MUC5B: variants seen among roughly 807,000 people sequenced by gnomAD.
MUC5B encodes the protein mucin-5B.
In MUC5B, 116 loss-of-function variants were observed where a neutral mutation model predicts 376.9. That is an observed-to-expected ratio of 0.31 (90% CI 0.26 to 0.36). The LOEUF (loss-of-function observed/expected upper bound fraction) is 0.36, where lower values mean the gene tolerates loss of function less well. Ranked by LOEUF, MUC5B falls within the 10% of genes least tolerant of loss-of-function variation. The pLI, the probability that MUC5B is intolerant of heterozygous loss-of-function variation, is 1.00. For missense variants in MUC5B, 7,165 were observed against 7,769.9 expected (o/e 0.92, Z 2.93); for synonymous variants, 3,517 against 3,390.9 (o/e 1.04, Z -1.29).
chr11:1,233,153 G>A lies in MUC5B; in HGVS notation c.2206G>A (p.Ala736Thr), dbSNP rs779976482. The change falls in exon 18 of 49, where the codon GCG becomes ACG. Residue 736 changes from alanine to threonine, a missense_variant. Around this residue, in one of 31 missense-constraint regions of MUC5B, gnomAD observed 530 missense variants for 604.0 expected, o/e 0.88. Transcript: ENST00000529681. ...GCCTGTGGACGGCTGCACCTGCCCC[G>A]CGGGCACCTTCCTCAATGACGCGGG... ...FVPVDGCTCP[A>T]GTFLNDAGAC... 18 of 1,606,410 alleles carry A rather than the reference G, an allele frequency of 1.1e-5. No individual in the cohort carries two copies. Among genetic ancestry groups the A allele is most frequent in the South Asian group, 3.3e-5 (3 of 90,954 alleles).
chr11:1,255,062 G>A lies in MUC5B; in HGVS notation c.15686G>A (p.Arg5229Lys). The A allele has an allele frequency of 6.3e-7, 1 of 1,593,994 alleles. No homozygotes were observed. The highest frequency in any genetic ancestry group is 8.5e-7 in the Non-Finnish European group (1 of 1,171,274). Residue 5229 changes from arginine (R) to lysine (K), a missense_variant, in exon 36 of 49, where the codon AGG (arginine) becomes AAG (lysine). Coordinates refer to ENST00000529681, the MANE Select transcript of MUC5B (RefSeq NM_002458.3). ...GQCGTCTNNQRDDCLQRDGTT... is the reference protein window; with the variant it reads ...GQCGTCTNNQKDDCLQRDGTT... Reference sequence around the variant, plus strand: ...CCAGGCACCTGCACCAACAACCAGAGGGACGACTGTCTCCAGCGGGACGGA... The same window carrying A: ...CCAGGCACCTGCACCAACAACCAGAAGGACGACTGTCTCCAGCGGGACGGA...
intron 27 of MUC5B, 59 bp downstream of exon 27, chr11:1,239,625 G>A: frequency 3.3e-6 from 5 of 1,524,530 alleles, no homozygotes; most frequent in Non-Finnish European, 4.4e-6. Context: ...AGTGTACGTG[G>A]GGGGGCGGGG....
intron 35 of MUC5B, 59 bp from the exon 36 acceptor site, chr11:1,254,982 G>C: frequency 2.9e-6 from 2 of 693,730 alleles, no homozygotes; most frequent in Non-Finnish European, 4.9e-6. Flanking sequence ...GGGGGAGGGG[G>C]GTGGGGGCTG....
At position 1,248,335 on chromosome 11, in the gene MUC5B, A is replaced by T; in HGVS notation, c.11455A>T (p.Met3819Leu). 1.2e-6 allele frequency: 2 copies of T among 1,611,298 alleles called. 1 individual carries two copies. The highest frequency in any genetic ancestry group is 1.7e-6 in the Non-Finnish European group (2 of 1,179,010). ...ACAGACCACCACACCCACGGCCACC[A>T]TGTCCACAGCCACACCCTCCTCCAC... Reference protein sequence around the residue: ...LSQTTTPTATMSTATPSSTPE... With the variant: ...LSQTTTPTATLSTATPSSTPE... The change falls in exon 31 of 49, where the codon ATG (methionine) becomes TTG (leucine). Residue 3819 changes from methionine (M) to leucine (L), a missense_variant. Coordinates refer to ENST00000529681, the MANE Select transcript of MUC5B (RefSeq NM_002458.3).
Position 1,230,648 on chromosome 11 carries a change from A to G in MUC5B, c.1470+48A>G, listed in dbSNP as rs916938252. 2.6e-6 allele frequency: 4 copies of G among 1,523,662 alleles called. No homozygotes were observed. In the African/African-American group the frequency reaches 4.1e-5, roughly 16 times the overall value. 94.4% of individuals were successfully genotyped at this position (1,523,662 alleles called of 1,614,324 possible). On this transcript the variant is annotated intron_variant, in intron 12 of 48. Coordinates refer to ENST00000529681, the MANE Select transcript of MUC5B (RefSeq NM_002458.3). Reference sequence around the variant, plus strand: ...GGGCTGGGACAGGAAGAGGCATGCGAAGGTGTGTGGGGAGCAAGCACGGTC... The same window carrying G: ...GGGCTGGGACAGGAAGAGGCATGCGGAGGTGTGTGGGGAGCAAGCACGGTC...
Position 1,232,476 on chromosome 11 carries a change from C to T in MUC5B, c.1870C>T (p.Arg624Cys), listed in dbSNP as rs374658436. ...NENYARHWCSRLTDPNSAFSR... is the reference protein window; with the variant it reads ...NENYARHWCSCLTDPNSAFSR... ...GAACTACGCCCGGCACTGGTGCTCG[C>T]GCCTGACCGATCCCAACAGTGCCTT... The change falls in exon 16 of 49, where the codon CGC becomes TGC. Residue 624 changes from arginine (R) to cysteine (C), a missense_variant. This residue lies in a region of MUC5B where 530 missense variants were observed against 604.0 expected (regional missense o/e 0.88). Transcript: ENST00000529681. The T allele has an allele frequency of 6.6e-5, 106 of 1,609,702 alleles. No homozygotes were observed. Among genetic ancestry groups the T allele is most frequent in the Non-Finnish European group, 7.2e-5 (85 of 1,178,744 alleles).
Position 1,252,420 on chromosome 11 carries a change from C to G in MUC5B, c.14941C>G (p.Arg4981Gly), listed in dbSNP as rs747356736. 3.1e-6 allele frequency: 5 copies of G among 1,611,222 alleles called. No individual in the cohort carries two copies. Among genetic ancestry groups the G allele is most frequent in the Non-Finnish European group, 4.2e-6 (5 of 1,179,044 alleles). ...AVCNQHCDID[R>G]FQGACPTSPP... ...GTGCAATCAGCACTGTGACATTGAC[C>G]GCTTCCAGGGCGCCTGTCCCACCTC... Residue 4981 changes from arginine to glycine, a missense_variant, in exon 32 of 49, where the codon CGC becomes GGC. Transcript: ENST00000529681.
chr11:1,228,862 A>AGGGG, intron 8 of MUC5B, 97 bp downstream of exon 8: 1 of 357,730 alleles, frequency 2.8e-6, no homozygotes, highest in Non-Finnish European at 4.3e-6. Context: ...CCTGGGGGAC[A>AGGGG]GGGGTGGAGG....
intron 1 of MUC5B, 175 bp downstream of exon 1, chr11:1,223,368 G>A: frequency 1.5e-6 from 1 of 687,878 alleles, no homozygotes; most frequent in Non-Finnish European, 2.7e-6. Context: ...GGCCCCACGG[G>A]CTCACAGTGT....
Position 1,254,861 on chromosome 11 carries a change from C to T in MUC5B, c.15645C>T (p.Asn5215=), listed in dbSNP as rs764936627. 6.2e-7 allele frequency: 1 copy of T among 1,611,796 alleles called. No homozygotes were observed. Among genetic ancestry groups the T allele is most frequent in the Non-Finnish European group, 8.5e-7 (1 of 1,179,684 alleles). ...QARLPYSLFH[N]NTEGQCGTCT... ...GGCTGCCCTACAGCCTCTTCCACAA[C>T]AACACCGAGGGCCAGTGCGGTGAGT... Residue 5215 remains asparagine, a synonymous_variant, in exon 35 of 49, where the codon AAC becomes AAT. Transcript: ENST00000529681.
intron 9 of MUC5B, 113 bp from the exon 10 acceptor site, chr11:1,229,577 T>C: frequency 1.0e-6 from 1 of 988,828 alleles, no homozygotes; most frequent in Non-Finnish European, 1.5e-6. Flanking sequence ...GGGGGCGGTG[T>C]CCTGGAGCAG....
chr11:1,251,009 C>G lies in MUC5B; in HGVS notation c.14129C>G (p.Thr4710Ser), dbSNP rs1451197399. ...PGTTPITPVL[T>S]STATTPAATS... is the part of the protein sequence containing the mutation. ...ACAACACCCATCACCCCAGTGCTGA[C>G]CAGCACGGCCACCACACCCGCAGCC... The change falls in exon 31 of 49, where the codon ACC becomes AGC. Residue 4710 changes from threonine (T) to serine (S), a missense_variant. This residue lies in a region of MUC5B where 730 missense variants were observed against 592.7 expected (regional missense o/e 1.23). Transcript: ENST00000529681. The G allele has an allele frequency of 6.2e-7, 1 of 1,610,180 alleles. No individual in the cohort carries two copies. The highest frequency in any genetic ancestry group is 8.5e-7 in the Non-Finnish European group (1 of 1,177,458).
chr11:1,259,346 C>T (rs1309123795), intron 44 of MUC5B, among the ~76,000 whole-genome samples: 2 of 152,172 alleles, frequency 1.3e-5, no homozygotes, highest in African/African-American at 4.8e-5. Flanking sequence ...AGGCACCTGC[C>T]CCCAGGTGAG....
rs1259680311 is a variant in MUC5B, at chr11:1,248,776, A to G, written c.11896A>G (p.Thr3966Ala). The change falls in exon 31 of 49, where the codon ACT becomes GCT. Residue 3966 changes from threonine (T) to alanine (A), a missense_variant. By Grantham distance (58) the Thr-to-Ala change is moderately conservative. Transcript: ENST00000529681. ...CGGCTCCACCACCAACCCCTCCTCA[A>G]CTCCAGGGACAACACCTATCCCCCC... ...ATGSTTNPSS[T>A]PGTTPIPPVL... 6.5e-7 allele frequency: 1 copy of G among 1,546,132 alleles called. No individual in the cohort carries two copies.
chr11:1,247,490 C>G lies in MUC5B; in HGVS notation c.10610C>G (p.Ser3537Cys). 6.2e-7 allele frequency: 1 copy of G among 1,608,380 alleles called. No individual in the cohort carries two copies. ...ACCCCGGGCCACACCAGGGGCACCT[C>G]CAGGACCACAGCCACAGCCACACCC... ...TTTPGHTRGTSRTTATATPSK... is the reference protein window; with the variant it reads ...TTTPGHTRGTCRTTATATPSK... Residue 3537 changes from serine (S) to cysteine (C), a missense_variant, in exon 31 of 49, where the codon TCC becomes TGC. Physicochemically the swap from Ser to Cys is moderately radical, Grantham distance 112 (BLOSUM62 -1). Transcript: ENST00000529681.
rs755950786 is a variant in MUC5B at position 1,226,828 on chromosome 11, G to C, written c.413G>C (p.Gly138Ala). 1 of 1,610,322 alleles carries C rather than the reference G, an allele frequency of 6.2e-7. No individual in the cohort carries two copies. Among genetic ancestry groups the C allele is most frequent in the Non-Finnish European group, 8.5e-7 (1 of 1,179,774 alleles). Residue 138 changes from glycine to alanine, a missense_variant, in exon 4 of 49, where the codon GGG becomes GCG. This residue lies in a region of MUC5B where 640 missense variants were observed against 733.0 expected (regional missense o/e 0.87). Coordinates refer to ENST00000529681, the MANE Select transcript of MUC5B (RefSeq NM_002458.3). The part of the protein sequence containing the change: ...VVTRVVIKAQ[G>A]LVLEASNGSV... Reference sequence around the variant, plus strand: ...ACCCGTGTTGTCATCAAGGCCCAGGGGCTGGTGCTGGAGGCGTCCAACGGC... The same window carrying C: ...ACCCGTGTTGTCATCAAGGCCCAGGCGCTGGTGCTGGAGGCGTCCAACGGC...
In MUC5B at chr11:1,248,595, C is replaced by T. The variant is rs1445752522; in HGVS notation, c.11715C>T (p.Thr3905=). The change falls in exon 31 of 49, where the codon ACC becomes ACT. Residue 3905 remains threonine, a synonymous_variant. Coordinates refer to ENST00000529681, the MANE Select transcript of MUC5B (RefSeq NM_002458.3). ...TTPTTSGSTV[T]PSSVPGTTHT... ...CCACAACCAGTGGCTCCACGGTGAC[C>T]CCCTCCTCCGTCCCGGGGACCACCC... 2 of 1,613,028 alleles carry T rather than the reference C, an allele frequency of 1.2e-6. No homozygotes were observed. The highest frequency in any genetic ancestry group is 8.5e-7 in the Non-Finnish European group (1 of 1,179,474).
Position 1,234,377 on chromosome 11 carries a change from T to G in MUC5B, c.2478+72T>G. 6.6e-7 allele frequency: 1 copy of G among 1,509,760 alleles called. No homozygotes were observed. The highest frequency in any genetic ancestry group is 9.0e-7 in the Non-Finnish European group (1 of 1,111,680). The allele number at this position is 1,509,760 out of a possible 1,614,324, so 93.5% of individuals were successfully genotyped here. A position where few individuals can be genotyped will look rare whatever the true frequency, so the allele number is the denominator to read the frequency against. On this transcript the variant is annotated intron_variant, in intron 20 of 48. Transcript: ENST00000529681. The surrounding 1 kb of genome is among the most constrained non-coding windows in gnomAD (Gnocchi z 6.3). The stretch of plus-strand genomic sequence containing the variant: ...CTTTCCCAGCTCCCGAGCCCAGGGA[T>G]CTGGTGGTCCTGGAGACACTTACCC...
Position 1,236,930 on chromosome 11 carries a change from G to T in MUC5B, c.3063G>T (p.Arg1021Ser). The change falls in exon 25 of 49, where the codon AGG becomes AGT. Residue 1021 changes from arginine to serine, a missense_variant. Transcript: ENST00000529681. ...FIRLHQDYKG[R>S]VCGLCGNFDD... The stretch of plus-strand genomic sequence containing the variant: ...CTCTCTCGCTGCCTCTGCAGGGCAG[G>T]GTCTGCGGCCTGTGCGGGAACTTCG... 1 of 1,458,764 alleles carries T rather than the reference G, an allele frequency of 6.9e-7. No homozygotes were observed. Among genetic ancestry groups the T allele is most frequent in the Non-Finnish European group, 9.1e-7 (1 of 1,099,432 alleles). The allele number at this position is 1,458,764 out of a possible 1,614,324, so 90.4% of individuals were successfully genotyped here. A position where few individuals can be genotyped will look rare whatever the true frequency, so the allele number is the denominator to read the frequency against.
Sources: gnomAD v4.1 joint callset for allele counts (sites outside exome capture counted in the v4.1 genomes callset) on GRCh38, gnomAD v4.1.1 for gene constraint, gnomAD v4.1.1 regional missense constraint, Gnocchi (gnomAD v3.1) non-coding constraint, MANE v1.5 for transcripts, NCBI Gene and HGNC (gene_info 2026-07-23, HGNC 2026-07-21) for gene names.